The following NDUFAF6 variants were observed in gnomAD, a reference collection of about 807,000 sequenced individuals.
The protein encoded by NDUFAF6 is NADH:ubiquinone oxidoreductase complex assembly factor 6, also known as NADH dehydrogenase (ubiquinone) complex I, assembly factor 6.
Under a neutral mutation model 40.8 loss-of-function variants are expected in NDUFAF6, and 45 were observed. The ratio of observed to expected loss-of-function variants is 1.10; its 90% CI spans 0.87 to 1.42. NDUFAF6 has a LOEUF of 1.42. Among genes scored for constraint, NDUFAF6 ranks in the 40% most tolerant of loss-of-function variants. The probability of loss-of-function intolerance (pLI) is 0.00; values close to 1 mark genes in which losing one functional copy is unlikely to be tolerated. For missense variants in NDUFAF6, 435 were observed against 418.5 expected, an observed-to-expected ratio of 1.04 and a Z score of -0.34; for synonymous variants, 185 against 155.9, an observed-to-expected ratio of 1.19 and a Z score of -1.39.
intron 3 of NDUFAF6, chr8:95,036,348 G>C: frequency 7.8e-7 from 1 of 1,289,172 alleles, no homozygotes; most frequent in Non-Finnish European, 1.0e-6. Flanking sequence ...CCACAGACCT[G>C]ACAGTGGTAC....
intron 2 of NDUFAF6, among the ~76,000 whole-genome samples, chr8:95,000,696 G>A (rs1294029287): frequency 6.6e-6 from 1 of 151,004 alleles, no homozygotes; most frequent in East Asian, 1.9e-4. Flanking sequence ...AGCACTTTGA[G>A]AGGCTGAGGC....
intron 2 of NDUFAF6, among the ~76,000 whole-genome samples, chr8:95,008,885 T>A (rs1827113783): frequency 6.6e-6 from 1 of 152,212 alleles, no homozygotes; most frequent in South Asian, 2.1e-4. Context: ...CATTACAATT[T>A]TGTAATACAT....
chr8:95,002,070 G>A (rs145989076), intron 2 of NDUFAF6, among the ~76,000 whole-genome samples: 124 of 152,276 alleles, frequency 8.1e-4, no homozygotes, highest in African/African-American at 2.9e-3. Context: ...TGACTTTTAT[G>A]GTAGTTGTTA....
At chr8:94,924,522 G>A (rs973358332) in intron 1 of NDUFAF6, among the ~76,000 whole-genome samples, 1 of 152,174 alleles carries the variant, frequency 6.6e-6, no homozygotes, top group African/African-American at 2.4e-5. Context: ...TACAGCAAAG[G>A]AGCAAGATAA....
intron 1 of NDUFAF6, among the ~76,000 whole-genome samples, chr8:94,897,506 A>G (rs1315577697): frequency 6.6e-6 from 1 of 152,130 alleles, no homozygotes. Context: ...AATTCACCTA[A>G]AGTATATTTC....
At chr8:95,042,936 A>G (rs1306513176) in intron 4 of NDUFAF6, among the ~76,000 whole-genome samples, 1 of 152,212 alleles carries the variant, frequency 6.6e-6, no homozygotes, top group Admixed American at 6.5e-5. Flanking sequence ...TACCTCTTGC[A>G]AAAGAATAAG....
intron 4 of NDUFAF6, among the ~76,000 whole-genome samples, chr8:95,109,579 T>C (rs1809935159): frequency 2.7e-5 from 1 of 37,518 alleles, no homozygotes; most frequent in East Asian, 0.05. Flanking sequence ...TAGCGTTAGA[T>C]AGATAGATAG....
intron 9 of NDUFAF6, among the ~76,000 whole-genome samples, chr8:95,065,494 T>C (rs1832681963): frequency 6.6e-6 from 1 of 152,256 alleles, no homozygotes; most frequent in Non-Finnish European, 1.5e-5. Flanking sequence ...TATTGTTTTT[T>C]AGTCTACATT....
chr8:95,041,841 A>G (rs1176045865), intron 4 of NDUFAF6, among the ~76,000 whole-genome samples: 2 of 152,192 alleles, frequency 1.3e-5, no homozygotes, highest in Admixed American at 1.3e-4. Flanking sequence ...ATGTGTATGC[A>G]CAACCACACT....
At chr8:95,027,846 C>T (rs1348281372) in intron 1 of NDUFAF6, among the ~76,000 whole-genome samples, 2 of 152,164 alleles carry the variant, frequency 1.3e-5, no homozygotes, top group South Asian at 4.1e-4. Context: ...TGCAAGGCCT[C>T]TAAATAGCAG....
At chr8:95,049,573 CT>C (rs896289795) in intron 7 of NDUFAF6, among the ~76,000 whole-genome samples, 2 of 151,860 alleles carry the variant, frequency 1.3e-5, no homozygotes, top group African/African-American at 2.4e-5. Flanking sequence ...TGAACCTTTT[CT>C]TTTTTTTAGC....
intron 2 of NDUFAF6, among the ~76,000 whole-genome samples, chr8:95,093,964 C>A (rs4734299): frequency 0.7 from 106,710 of 152,030 alleles, 38,261 homozygotes; most frequent in East Asian, 0.9. Context: ...GAAATAAATA[C>A]TTCCTTTTTT....
At chr8:95,078,240 C>T (rs1808696082), downstream of NDUFAF6, among the ~76,000 whole-genome samples, 1 of 152,118 alleles carries the variant, frequency 6.6e-6, no homozygotes, top group Non-Finnish European at 1.5e-5. Flanking sequence ...GATATGCTTG[C>T]ATGCATTGAG....
intron 2 of NDUFAF6, among the ~76,000 whole-genome samples, chr8:94,946,696 C>A (rs1420240142): frequency 2.4e-3 from 84 of 34,632 alleles, no homozygotes; most frequent in African/African-American, 4.8e-3. Context: ...GACCCTGTCT[C>A]AAAAAAAAAA....
intron 2 of NDUFAF6, among the ~76,000 whole-genome samples, chr8:95,015,385 C>T (rs1827399237): frequency 6.6e-6 from 1 of 152,140 alleles, no homozygotes; most frequent in Admixed American, 6.5e-5. Context: ...ATGACAAGGT[C>T]TTGGCTGGGC....
At chr8:95,036,032 T>G (rs1829461704) in intron 3 of NDUFAF6, among the ~76,000 whole-genome samples, 1 of 152,238 alleles carries the variant, frequency 6.6e-6, no homozygotes. Flanking sequence ...GCTCTCAGTG[T>G]TGTCCAGATA....
intron 1 of NDUFAF6, among the ~76,000 whole-genome samples, chr8:94,903,561 A>G (rs1818167636): frequency 6.6e-6 from 1 of 152,246 alleles, no homozygotes; most frequent in African/African-American, 2.4e-5. Context: ...ATACTTACGC[A>G]GTAATAGCAT....
At chr8:95,010,966 T>C (rs1451035525) in intron 2 of NDUFAF6, among the ~76,000 whole-genome samples, 3 of 152,224 alleles carry the variant, frequency 2.0e-5, no homozygotes, top group Non-Finnish European at 4.4e-5. Flanking sequence ...TGAGCACAGA[T>C]AGTACATTAA....
rs57749627 is a variant in NDUFAF6 at position 94,904,320 on chromosome 8, C to CTTTTTTTTTTTTTTTTT, written c.-936+8414_-936+8430dup. Among the ~76,000 whole-genome samples, 10 of 34,138 alleles carry CTTTTTTTTTTTTTTTTT rather than the reference C, an allele frequency of 2.9e-4. 3 individuals carry two copies. Among genetic ancestry groups the CTTTTTTTTTTTTTTTTT allele is most frequent in the African/African-American group, 1.1e-3 (7 of 6,580 alleles). The allele number at this position is 34,138 out of a possible 152,430, so 22.4% of individuals were successfully genotyped here. A position where few individuals can be genotyped will look rare whatever the true frequency, so the allele number is the denominator to read the frequency against. On this transcript the variant is annotated intron_variant, in intron 1 of 14. Transcript: ENST00000396113. The stretch of plus-strand genomic sequence containing the variant: ...CATCACACCTGGCTAATTTTTTTTG[C>CTTTTTTTTTTTTTTTTT]TTTTTTTTTTTTTTTTTTTTTTTTT...
Sources: gnomAD v4.1 joint callset for allele counts (sites outside exome capture counted in the v4.1 genomes callset) on GRCh38, gnomAD v4.1.1 for gene constraint, MANE v1.5 for transcripts, NCBI Gene and HGNC (gene_info 2026-07-23, HGNC 2026-07-21) for gene names.